The following ADTRP variants were observed in gnomAD, a reference collection of about 807,000 sequenced individuals.
ADTRP encodes androgen dependent TFPI regulating protein, also known as androgen-dependent TFPI-regulating protein.
A neutral mutation model predicts 27.0 loss-of-function variants in ADTRP; 20 were observed. The observed-to-expected ratio is 0.74, with a 90% confidence interval of 0.52 to 1.08. ADTRP has a LOEUF of 1.08. Among genes scored for constraint, ADTRP ranks in the 50% least tolerant of loss-of-function variants. The pLI, the probability that ADTRP is intolerant of heterozygous loss-of-function variation, is 0.00. For missense variants in ADTRP, 251 were observed against 275.0 expected (o/e 0.91, Z 0.62); for synonymous variants, 101 against 105.2 (o/e 0.96, Z 0.25).
At chr6:11,747,955 C>G (rs1411391092) in intron 3 of ADTRP, among the ~76,000 whole-genome samples, 1 of 152,182 alleles carries the variant, frequency 6.6e-6, no homozygotes, top group Non-Finnish European at 1.5e-5. Context: ...GACATGAATA[C>G]ACAGTTACCT....
chr6:11,722,928 A>C (rs1762064578), intron 5 of ADTRP, among the ~76,000 whole-genome samples: 1 of 152,136 alleles, frequency 6.6e-6, no homozygotes, highest in Non-Finnish European at 1.5e-5. Flanking sequence ...TGAGAGGGCT[A>C]TCTGGACTCA....
intron 3 of ADTRP, among the ~76,000 whole-genome samples, chr6:11,739,694 C>T (rs1013811434): frequency 6.6e-6 from 1 of 152,206 alleles, no homozygotes; most frequent in African/African-American, 2.4e-5. Context: ...TCACCCCCTA[C>T]AGGTAGATAA....
intron 3 of ADTRP, among the ~76,000 whole-genome samples, chr6:11,742,027 GCTTTTCCCTATTTT>G (rs1291152871): frequency 6.6e-6 from 1 of 151,910 alleles, no homozygotes; most frequent in Non-Finnish European, 1.5e-5. Context: ...CAATCACTTA[GCTTTTCCCTATTTT>G]GGTACCTACA....
rs545091252 is a variant in ADTRP, at chr6:11,773,686, G to A, written c.153+4921C>T. ...TACCTCAGCGCTGGGGAGGTATGAG[G>A]ATCTGGGTGCCTTATCAGAGTATCC... On this transcript the variant is annotated intron_variant, in intron 1 of 5. Coordinates refer to ENST00000414691, the MANE Select transcript of ADTRP (RefSeq NM_032744.4). 2.0e-5 allele frequency among the ~76,000 whole-genome samples: 3 copies of A among 152,316 alleles called. No individual in the cohort carries two copies. The South Asian group carries it at 6.2e-4, about 32-fold the overall frequency.
At chr6:11,761,606 TATGAGTGATTTTCAA>T (rs1486821913) in intron 3 of ADTRP, among the ~76,000 whole-genome samples, 1 of 152,166 alleles carries the variant, frequency 6.6e-6, no homozygotes, top group Admixed American at 6.5e-5. Context: ...CCAAAGCACA[TATGAGTGATTTTCAA>T]ATGAGTGATT....
chr6:11,777,483 G>GTT (rs1050384570), intron 1 of ADTRP, among the ~76,000 whole-genome samples: 4 of 54,718 alleles, frequency 7.3e-5, no homozygotes, highest in Non-Finnish European at 1.6e-4. Context: ...TGTGTGTGTG[G>GTT]TTTTTTGTTG....
At chr6:11,739,564 T>C (rs758603771) in intron 3 of ADTRP, among the ~76,000 whole-genome samples, 8 of 140,160 alleles carry the variant, frequency 5.7e-5, no homozygotes, top group Non-Finnish European at 1.1e-4. Context: ...GATTCTCTGC[T>C]TACAAAATAG....
rs1300556590 is a variant in ADTRP at position 11,714,379 on chromosome 6, A to C, written c.*99T>G. On this transcript the variant is annotated 3_prime_UTR_variant, in exon 6 of 6. Transcript: ENST00000414691. ...CACTCTCTGTCCCTCCTACTTTGCT[A>C]TGTTCCTCCACCACCTCCCTCCACC... 4.3e-6 allele frequency: 6 copies of C among 1,379,956 alleles called. No individual in the cohort carries two copies. The African/African-American group carries it at 9.1e-5, about 21-fold the overall frequency. 85.5% of individuals were successfully genotyped at this position (1,379,956 alleles called of 1,614,324 possible). A position where few individuals can be genotyped will look rare whatever the true frequency, so the allele number is the denominator to read the frequency against.
intron 5 of ADTRP, among the ~76,000 whole-genome samples, chr6:11,715,834 TTTTTTG>T (rs1761806131): frequency 3.5e-5 from 3 of 86,818 alleles, no homozygotes; most frequent in African/African-American, 1.3e-4. Context: ...TTTTTTTTTT[TTTTTTG>T]CTTTTTTATT....
At chr6:11,769,006 A>G (rs1763668399) in intron 1 of ADTRP, among the ~76,000 whole-genome samples, 1 of 152,036 alleles carries the variant, frequency 6.6e-6, no homozygotes, top group Admixed American at 6.6e-5. Flanking sequence ...AAGGGGATAG[A>G]GCAAGCCATG....
rs141436842 is a variant in ADTRP, at chr6:11,763,878, G to A, written c.390+2396C>T. On this transcript the variant is annotated intron_variant, in intron 3 of 5. Coordinates refer to ENST00000414691, the MANE Select transcript of ADTRP (RefSeq NM_032744.4). ...AAAAGAAGGCAGGAAGTTTGGGAAT[G>A]ACTGTGTTAGGGACACCTGAGGCCA... Among the ~76,000 whole-genome samples, 551 of 152,350 alleles carry A rather than the reference G, an allele frequency of 3.6e-3. 2 individuals carry two copies. The highest frequency in any genetic ancestry group is 0.012 in the African/African-American group (515 of 41,572).
intron 2 of ADTRP, 25 bp downstream of exon 2, chr6:11,768,224 T>C: frequency 6.2e-7 from 1 of 1,613,638 alleles, no homozygotes; most frequent in South Asian, 1.1e-5. Flanking sequence ...TTCTGTTAGA[T>C]TATGTACACA....
chr6:11,723,428 T>C lies in ADTRP; in HGVS notation c.579A>G (p.Leu193=), dbSNP rs771771488. The change falls in exon 5 of 6, where the codon CTA becomes CTG. Residue 193 remains leucine, a synonymous_variant. Coordinates refer to ENST00000414691, the MANE Select transcript of ADTRP (RefSeq NM_032744.4). ...PVFAKLSLLG[L]AAFFSLSYVF... is the part of the protein sequence containing the mutation. ...CGTAGCTGAGAGAGAAGAAAGCTGC[T>C]AGACCCAAGAGGCTGAGTTTGGCAA... The C allele has an allele frequency of 4.3e-6, 7 of 1,614,006 alleles. No homozygotes were observed. The highest frequency in any genetic ancestry group is 3.4e-6 in the Non-Finnish European group (4 of 1,180,026).
At chr6:11,769,196 G>A (rs992914430) in intron 1 of ADTRP, among the ~76,000 whole-genome samples, 2 of 152,196 alleles carry the variant, frequency 1.3e-5, no homozygotes, top group Non-Finnish European at 2.9e-5. Flanking sequence ...AGTTTGGGGG[G>A]TGGGGTTAAG....
chr6:11,734,919 A>G (rs191472627), intron 4 of ADTRP, among the ~76,000 whole-genome samples: 1 of 151,400 alleles, frequency 6.6e-6, no homozygotes, highest in East Asian at 1.9e-4. Flanking sequence ...GTGCTAGATG[A>G]GAAGGTTATA....
chr6:11,720,236 A>C (rs912756432), intron 5 of ADTRP, among the ~76,000 whole-genome samples: 1 of 152,196 alleles, frequency 6.6e-6, no homozygotes, highest in Non-Finnish European at 1.5e-5. Flanking sequence ...GGCTATCTAT[A>C]AGTTTCCAGA....
chr6:11,756,597 T>C (rs1763222340), intron 3 of ADTRP, among the ~76,000 whole-genome samples: 1 of 152,062 alleles, frequency 6.6e-6, no homozygotes, highest in South Asian at 2.1e-4. Context: ...TAACAGTGAG[T>C]TAAGGAATAG....
At chr6:11,731,199 G>A (rs1350331934) in intron 4 of ADTRP, among the ~76,000 whole-genome samples, 1 of 152,180 alleles carries the variant, frequency 6.6e-6, no homozygotes, top group Non-Finnish European at 1.5e-5. Flanking sequence ...GATATCACTG[G>A]AACTGTGAAA....
In ADTRP at chr6:11,749,114, T is replaced by C. The variant is rs535016056; in HGVS notation, c.391-13431A>G. Reference sequence around the variant, plus strand: ...GCCACGAGGGTGTTGGCAGTGGAACTAGAAAGTGAACAGATTTGCTACCTA... The same window carrying C: ...GCCACGAGGGTGTTGGCAGTGGAACCAGAAAGTGAACAGATTTGCTACCTA... On this transcript the variant is annotated intron_variant, in intron 3 of 5. Transcript: ENST00000414691. Among the ~76,000 whole-genome samples the C allele has an allele frequency of 3.9e-5, 6 of 152,286 alleles. No homozygotes were observed. In the South Asian group the frequency reaches 1.2e-3, roughly 32 times the overall value.
Sources: allele counts gnomAD v4.1 joint callset (sites outside exome capture counted in the v4.1 genomes callset), GRCh38; gene constraint gnomAD v4.1.1; transcripts MANE v1.5; gene names NCBI Gene and HGNC (gene_info 2026-07-23, HGNC 2026-07-21).